TF: variants seen among roughly 807,000 people sequenced by gnomAD.
TF encodes transferrin.
In TF, 55 loss-of-function variants were observed where a neutral mutation model predicts 82.4. The ratio of observed to expected loss-of-function variants is 0.67; its 90% CI spans 0.54 to 0.84. TF has a LOEUF of 0.84. Among genes scored for constraint, TF ranks in the 40% least tolerant of loss-of-function variants. The pLI is 0.00. For synonymous variants in TF, 332 were observed against 332.6 expected, an observed-to-expected ratio of 1.00 and a Z score of 0.02; for missense variants, 737 against 868.4, an observed-to-expected ratio of 0.85 and a Z score of 1.90.
chr3:133,670,959 G>C, the TF span, among the ~76,000 whole-genome samples: 2 of 152,136 alleles, frequency 1.3e-5, no homozygotes, highest in Non-Finnish European at 2.9e-5. Flanking sequence ...CAGAAGTGGA[G>C]GCAAGATCCC....
At chr3:133,723,925 G>A in the TF span, among the ~76,000 whole-genome samples, 7 of 151,724 alleles carry the variant, frequency 4.6e-5, no homozygotes, top group African/African-American at 7.3e-5. Flanking sequence ...CTGTCCTTGC[G>A]ATAGTTTACT....
chr3:133,770,382 G>A, intron 13 of TF, 126 bp from the exon 14 acceptor site: 1 of 845,050 alleles, frequency 1.2e-6, no homozygotes. Context: ...ATTGCTTACT[G>A]TTAGAATGGA....
chr3:133,743,667 G>T (rs886565519), upstream of TF, among the ~76,000 whole-genome samples: 2 of 152,306 alleles, frequency 1.3e-5, no homozygotes, highest in African/African-American at 2.4e-5. Flanking sequence ...TAAGTGCTCA[G>T]TGAAGCTCCC....
intron 9 of TF, 139 bp downstream of exon 9, chr3:133,759,468 C>G: frequency 9.7e-7 from 1 of 1,030,390 alleles, no homozygotes; most frequent in South Asian, 1.3e-5. Flanking sequence ...GTGAGCACAG[C>G]CCCACCGGAG....
Position 133,794,314 on chromosome 3 carries a change from C to T in TF, c.*15694C>T, listed in dbSNP as rs1362710758. The stretch of plus-strand genomic sequence containing the variant: ...AAATAGTTTATAACCAATGTTTGGT[C>T]CCATATTCCTGGGAAAACAATCAAA... On this transcript the variant is annotated 3_prime_UTR_variant, in exon 17 of 17. Coordinates refer to ENST00000402696, the MANE Select transcript of TF (RefSeq NM_001063.4). The T allele has an allele frequency of 1.3e-5, 2 of 152,260 alleles. No homozygotes were observed. Among genetic ancestry groups the T allele is most frequent in the Middle Eastern group, 3.4e-3 (1 of 294 alleles). The allele number at this position is 152,260 out of a possible 1,614,324, so 9.4% of individuals were successfully genotyped here. A position where few individuals can be genotyped will look rare whatever the true frequency, so the allele number is the denominator to read the frequency against.
At chr3:133,686,604 G>A in the TF span, among the ~76,000 whole-genome samples, 4 of 152,128 alleles carry the variant, frequency 2.6e-5, no homozygotes, top group South Asian at 2.1e-4. Context: ...AAAAATGCTT[G>A]TCATCACTGG....
chr3:133,778,420 T>C, intron 16 of TF, 166 bp from the exon 17 acceptor site: 1 of 644,120 alleles, frequency 1.6e-6, no homozygotes. Flanking sequence ...GCACAGGAGC[T>C]GTGCAGGCAA....
chr3:133,698,245 T>A, the TF span, among the ~76,000 whole-genome samples: 1 of 152,264 alleles, frequency 6.6e-6, no homozygotes, highest in South Asian at 2.1e-4. Context: ...CTTTCATTGC[T>A]TCATTCTGTT....
the TF span, among the ~76,000 whole-genome samples, chr3:133,664,468 G>A: frequency 3.5e-4 from 53 of 152,154 alleles, no homozygotes; most frequent in African/African-American, 1.1e-3. Context: ...GGTTACAGGC[G>A]TCTGCCATCG....
At chr3:133,725,713 G>C in the TF span, among the ~76,000 whole-genome samples, 1 of 152,044 alleles carries the variant, frequency 6.6e-6, no homozygotes, top group Non-Finnish European at 1.5e-5. Context: ...AGTGGTGAGA[G>C]AGGGCATCCC....
chr3:133,662,540 T>C, the TF span, among the ~76,000 whole-genome samples: 1 of 152,192 alleles, frequency 6.6e-6, no homozygotes, highest in African/African-American at 2.4e-5. Flanking sequence ...AGATCTTCAA[T>C]GGTCTCCCCT....
chr3:133,696,924 A>G, the TF span, among the ~76,000 whole-genome samples: 1 of 152,332 alleles, frequency 6.6e-6, no homozygotes, highest in South Asian at 2.1e-4. Context: ...TTAAATTTCT[A>G]TCAGATACAG....
the TF span, among the ~76,000 whole-genome samples, chr3:133,680,006 T>G: frequency 6.6e-6 from 1 of 152,184 alleles, no homozygotes; most frequent in East Asian, 1.9e-4. Flanking sequence ...CTAATAGGTA[T>G]GTAGTGAAAT....
In TF at chr3:133,795,957, A is replaced by G. The variant is rs914643939; in HGVS notation, c.*17337A>G. 6 of 152,124 alleles carry G rather than the reference A, an allele frequency of 3.9e-5. No individual in the cohort carries two copies. The highest frequency in any genetic ancestry group is 1.4e-4 in the African/African-American group (6 of 41,422). 9.4% of individuals were successfully genotyped at this position (152,124 alleles called of 1,614,324 possible). ...CCATGCGCCAGGCCCCAACAGACCA[A>G]ACTAAACCAAAACGGAGTCACGTAT... is the stretch of plus-strand genomic sequence containing the variant. On this transcript the variant is annotated 3_prime_UTR_variant, in exon 17 of 17. Transcript: ENST00000402696.
chr3:133,714,256 G>A, the TF span, among the ~76,000 whole-genome samples: 4 of 152,196 alleles, frequency 2.6e-5, no homozygotes, highest in African/African-American at 9.7e-5. Flanking sequence ...GGCTAAAGAC[G>A]TAGATTTAAC....
At chr3:133,681,376 G>A in the TF span, among the ~76,000 whole-genome samples, 4 of 152,182 alleles carry the variant, frequency 2.6e-5, no homozygotes, top group Admixed American at 1.3e-4. Context: ...TGCAGCCCAC[G>A]GAGCATGACC....
chr3:133,793,449 T>C lies in TF; in HGVS notation c.*14829T>C, dbSNP rs1576376059. 1 of 152,136 alleles carries C rather than the reference T, an allele frequency of 6.6e-6. No individual in the cohort carries two copies. Among genetic ancestry groups the C allele is most frequent in the Non-Finnish European group, 1.5e-5 (1 of 67,948 alleles). The allele number at this position is 152,136 out of a possible 1,614,324, so 9.4% of individuals were successfully genotyped here. A position where few individuals can be genotyped will look rare whatever the true frequency, so the allele number is the denominator to read the frequency against. On this transcript the variant is annotated 3_prime_UTR_variant, in exon 17 of 17. Coordinates refer to ENST00000402696, the MANE Select transcript of TF (RefSeq NM_001063.4). ...GCCCCTGAAGCATCCAAAAGAGAGG[T>C]AAACAGAATTATTTGACATGTTTAA...
At chr3:133,735,438 CTG>C in the TF span, among the ~76,000 whole-genome samples, 1 of 151,544 alleles carries the variant, frequency 6.6e-6, no homozygotes, top group Non-Finnish European at 1.5e-5. Flanking sequence ...AGGAACAAAA[CTG>C]GACAGAGAAT....
At chr3:133,697,203 G>T in the TF span, among the ~76,000 whole-genome samples, 1 of 151,694 alleles carries the variant, frequency 6.6e-6, no homozygotes, top group East Asian at 1.9e-4. Context: ...GGCAATTGAT[G>T]CATGTCTTAT....
Sources: allele counts gnomAD v4.1 joint callset (sites outside exome capture counted in the v4.1 genomes callset), GRCh38; gene constraint gnomAD v4.1.1; transcripts MANE v1.5; gene names NCBI Gene and HGNC (gene_info 2026-07-23, HGNC 2026-07-21).